PRDM2: variants seen among roughly 807,000 people sequenced by gnomAD.
The protein encoded by PRDM2 is PR/SET domain 2, also known as PR domain zinc finger protein 2.
In PRDM2, 30 loss-of-function variants were observed where a neutral mutation model predicts 130.0. That is an observed-to-expected ratio of 0.23 (90% CI 0.17 to 0.31). PRDM2 has a LOEUF of 0.31. Ranked by LOEUF, PRDM2 falls within the 10% of genes least tolerant of loss-of-function variation. The pLI, the probability that PRDM2 is intolerant of heterozygous loss-of-function variation, is 1.00. For missense variants in PRDM2, 2,011 were observed against 2,108.4 expected (o/e 0.95, Z 0.90); for synonymous variants, 871 against 782.4 (o/e 1.11, Z -1.89).
At chr1:13,728,669 G>A (rs1309045937) in intron 2 of PRDM2, among the ~76,000 whole-genome samples, 2 of 152,068 alleles carry the variant, frequency 1.3e-5, no homozygotes, top group Admixed American at 6.5e-5. Flanking sequence ...AAACCAATGG[G>A]TCTAGTGGGA....
chr1:13,777,325 A>G (rs1644497129), intron 7 of PRDM2, among the ~76,000 whole-genome samples: 1 of 151,798 alleles, frequency 6.6e-6, no homozygotes, highest in South Asian at 2.1e-4. Flanking sequence ...CACCCTTGTC[A>G]CCTAGGGTTC....
chr1:13,779,948 G>C lies in PRDM2; in HGVS notation c.2153G>C (p.Cys718Ser). 1 of 1,614,218 alleles carries C rather than the reference G, an allele frequency of 6.2e-7. No homozygotes were observed. The highest frequency in any genetic ancestry group is 8.5e-7 in the Non-Finnish European group (1 of 1,180,040). ...ATEIAKLGPV[C>S]VSAPASMLPV... ...GAAATAGCTAAATTAGGTCCTGTTT[G>C]TGTGTCTGCTCCTGCATCAATGTTG... The change falls in exon 8 of 10, where the codon TGT becomes TCT. Residue 718 changes from cysteine (C) to serine (S), a missense_variant. Cys to Ser is a moderately radical substitution (Grantham distance 112). Around this residue, in one of 5 missense-constraint regions of PRDM2, gnomAD observed 1,288 missense variants for 1,237.7 expected, o/e 1.04. Coordinates refer to ENST00000311066, the MANE Select transcript of PRDM2 (RefSeq NM_001393986.1). The surrounding 1 kb of genome is among the most constrained non-coding windows in gnomAD (Gnocchi z 4.9).
intron 5 of PRDM2, among the ~76,000 whole-genome samples, chr1:13,746,753 C>T (rs555388215): frequency 5.9e-5 from 9 of 152,168 alleles, no homozygotes; most frequent in Non-Finnish European, 7.4e-5. Context: ...GACAGAGTTT[C>T]GCCATGTTGC....
chr1:13,706,971 T>TAA (rs571158647), intron 1 of PRDM2, among the ~76,000 whole-genome samples: 2 of 140,334 alleles, frequency 1.4e-5, no homozygotes, highest in African/African-American at 2.6e-5. Context: ...CTACCAAAAC[T>TAA]AAAAAAAAAA....
At chr1:13,760,595 C>T (rs1248256176) in intron 6 of PRDM2, among the ~76,000 whole-genome samples, 2 of 152,166 alleles carry the variant, frequency 1.3e-5, no homozygotes, top group South Asian at 2.1e-4. Flanking sequence ...AATTAAGAGA[C>T]CAGATTCACA....
intron 2 of PRDM2, among the ~76,000 whole-genome samples, chr1:13,716,262 G>A (rs966999342): frequency 6.7e-6 from 1 of 149,090 alleles, no homozygotes; most frequent in African/African-American, 2.5e-5. Flanking sequence ...AGATCACATG[G>A]ACACAGGAAG....
intron 8 of PRDM2, among the ~76,000 whole-genome samples, chr1:13,805,169 G>C (rs887580723): frequency 6.6e-6 from 1 of 152,156 alleles, no homozygotes; most frequent in African/African-American, 2.4e-5. Flanking sequence ...AGTAGCTCCT[G>C]GTGTATAGAA....
At chr1:13,706,348 A>G (rs1642211009) in intron 1 of PRDM2, among the ~76,000 whole-genome samples, 1 of 151,876 alleles carries the variant, frequency 6.6e-6, no homozygotes, top group South Asian at 2.1e-4. Context: ...AAAATATTCA[A>G]TTTTTCTTGC....
Position 13,779,001 on chromosome 1 carries a change from G to A in PRDM2, c.1206G>A (p.Gln402=), listed in dbSNP as rs1289069992. 4 of 1,614,198 alleles carry A rather than the reference G, an allele frequency of 2.5e-6. No individual in the cohort carries two copies. Among genetic ancestry groups the A allele is most frequent in the Non-Finnish European group, 3.4e-6 (4 of 1,180,024 alleles). ...CKYCGKAFGT[Q]INRRRHERRH... ...ACTGTGGGAAAGCCTTTGGCACACAGATTAACCGGCGGCGACATGAGCGGC... is the reference window on the plus strand; with the variant it reads ...ACTGTGGGAAAGCCTTTGGCACACAAATTAACCGGCGGCGACATGAGCGGC... Residue 402 remains glutamine (Q), a synonymous_variant, in exon 8 of 10, where the codon CAG becomes CAA. Coordinates refer to ENST00000311066, the MANE Select transcript of PRDM2 (RefSeq NM_001393986.1). This position sits in a 1 kb window ranked among gnomAD's most constrained non-coding sequence, Gnocchi z 4.9.
At chr1:13,767,772 C>G (rs1190630613) in intron 6 of PRDM2, among the ~76,000 whole-genome samples, 2 of 151,976 alleles carry the variant, frequency 1.3e-5, no homozygotes, top group Non-Finnish European at 2.9e-5. Flanking sequence ...CCCAGGAGTT[C>G]GAGACCAGCC....
At chr1:13,773,671 C>T (rs1644406754) in intron 7 of PRDM2, 1 of 152,092 alleles carries the variant, frequency 6.6e-6, no homozygotes, top group African/African-American at 2.4e-5. Context: ...CTGTGATCCC[C>T]CCACTGTACT....
Position 13,814,993 on chromosome 1 carries a change from C to T in PRDM2, c.5037-1434C>T, listed in dbSNP as rs539714467. 3.5e-4 allele frequency among the ~76,000 whole-genome samples: 53 copies of T among 152,256 alleles called. No individual in the cohort carries two copies. The South Asian group carries it at 8.3e-3, about 24-fold the overall frequency. ...AAATTAGGGATAATAACAGTATCCA[C>T]CTGGGTAGGTTTTGTGAAGAGTTAG... is the stretch of plus-strand genomic sequence containing the variant. On this transcript the variant is annotated intron_variant, in intron 8 of 9. Coordinates refer to ENST00000311066, the MANE Select transcript of PRDM2 (RefSeq NM_001393986.1).
At chr1:13,727,879 C>A (rs1642974247) in intron 2 of PRDM2, among the ~76,000 whole-genome samples, 1 of 152,214 alleles carries the variant, frequency 6.6e-6, no homozygotes, top group African/African-American at 2.4e-5. Context: ...GATATTACAT[C>A]TTATCCTGTC....
In PRDM2 at chr1:13,774,849, C is replaced by T. The variant is rs566412599; in HGVS notation, c.622+1661C>T. ...AAAATTAGCCAGGCGTGGTGGTGGG[C>T]GCCTGTAGTCCGGGAGGCTGAGGCA... is the stretch of plus-strand genomic sequence containing the variant. On this transcript the variant is annotated intron_variant, in intron 7 of 9. Coordinates refer to ENST00000311066, the MANE Select transcript of PRDM2 (RefSeq NM_001393986.1). 2.5e-4 allele frequency among the ~76,000 whole-genome samples: 38 copies of T among 152,002 alleles called. No homozygotes were observed. In the East Asian group the frequency reaches 5.4e-3, roughly 22 times the overall value.
chr1:13,811,585 A>G (rs142252889), intron 8 of PRDM2, among the ~76,000 whole-genome samples: 52 of 152,176 alleles, frequency 3.4e-4, no homozygotes, highest in South Asian at 1.0e-3. Flanking sequence ...CACCCACCCA[A>G]TATTTCCTGT....
intron 8 of PRDM2, among the ~76,000 whole-genome samples, chr1:13,812,801 A>G (rs1039489909): frequency 6.6e-6 from 1 of 152,212 alleles, no homozygotes; most frequent in Non-Finnish European, 1.5e-5. Context: ...CACTAGGAGC[A>G]TCTCACATGT....
intron 9 of PRDM2, among the ~76,000 whole-genome samples, chr1:13,820,050 C>T (rs1457440213): frequency 1.3e-5 from 2 of 152,146 alleles, no homozygotes; most frequent in Non-Finnish European, 2.9e-5. Flanking sequence ...GGTCAAAGCC[C>T]TCATTTTACA....
intron 9 of PRDM2, among the ~76,000 whole-genome samples, chr1:13,820,986 G>A (rs1645340675): frequency 6.6e-6 from 1 of 152,024 alleles, no homozygotes; most frequent in South Asian, 2.1e-4. Flanking sequence ...TCTGGGAAGG[G>A]ATGCCTCCTC....
rs1276808846 is a variant in PRDM2 at position 13,782,156 on chromosome 1, C to T, written c.4361C>T (p.Ser1454Phe). ...ADLKNACESS[S>F]HICPYCNREF... ...TTGAAAAATGCTTGTGAGTCATCCT[C>T]TCACATCTGCCCTTACTGTAATCGA... The change falls in exon 8 of 10, where the codon TCT becomes TTT. Residue 1454 changes from serine to phenylalanine, a missense_variant. By Grantham distance (155) the Ser-to-Phe change is radical. Transcript: ENST00000311066. 4 of 1,613,944 alleles carry T rather than the reference C, an allele frequency of 2.5e-6. No individual in the cohort carries two copies. Among genetic ancestry groups the T allele is most frequent in the South Asian group, 2.2e-5 (2 of 91,082 alleles).
Sources: allele counts gnomAD v4.1 joint callset (sites outside exome capture counted in the v4.1 genomes callset), GRCh38; gene constraint gnomAD v4.1.1; regional missense constraint gnomAD v4.1.1; non-coding constraint Gnocchi (gnomAD v3.1); transcripts MANE v1.5; gene names NCBI Gene and HGNC (gene_info 2026-07-23, HGNC 2026-07-21).